The following STK3 variants were observed in gnomAD, a reference collection of about 807,000 sequenced individuals.
STK3 encodes serine/threonine-protein kinase 3.
A neutral mutation model predicts 58.0 loss-of-function variants in STK3; 41 were observed. The observed-to-expected ratio is 0.71, with a 90% CI of 0.55 to 0.92. The LOEUF (loss-of-function observed/expected upper bound fraction) is 0.92. STK3 is among the 40% of genes least tolerant of loss of function. The pLI is 0.00. For synonymous variants in STK3, 170 were observed against 191.0 expected (o/e 0.89, Z 0.91); for missense variants, 479 against 602.7 (o/e 0.79, Z 2.15).
chr8:98,347,753 C>T, the STK3 span, among the ~76,000 whole-genome samples: 1 of 152,052 alleles, frequency 6.6e-6, no homozygotes, highest in Admixed American at 6.5e-5. Flanking sequence ...CTATAGGAAA[C>T]ATACATTAAA....
intron 1 of STK3, among the ~76,000 whole-genome samples, chr8:98,799,847 T>C (rs1407728026): frequency 6.6e-6 from 1 of 152,192 alleles, no homozygotes; most frequent in Non-Finnish European, 1.5e-5. Flanking sequence ...AAATCTATCC[T>C]TACTCTACAA....
intron 3 of STK3, among the ~76,000 whole-genome samples, chr8:98,752,415 A>C (rs928614640): frequency 1.3e-5 from 2 of 152,204 alleles, no homozygotes; most frequent in African/African-American, 4.8e-5. Flanking sequence ...GAAGATTGAA[A>C]CTGGACCCCT....
At chr8:98,424,062 C>T (rs960514595) in intron 3 of STK3, among the ~76,000 whole-genome samples, 4 of 152,250 alleles carry the variant, frequency 2.6e-5, no homozygotes, top group African/African-American at 9.6e-5. Flanking sequence ...TAAACAAAGC[C>T]AGCTTCCCCG....
rs1220165131 is a variant in STK3 at position 98,652,894 on chromosome 8, C to T, written c.684+53573G>A. Among the ~76,000 whole-genome samples the T allele has an allele frequency of 2.0e-5, 3 of 152,214 alleles. No homozygotes were observed. In the East Asian group the frequency reaches 5.8e-4, roughly 29 times the overall value. On this transcript the variant is annotated intron_variant, in intron 6 of 10. Coordinates refer to ENST00000419617, the MANE Select transcript of STK3 (RefSeq NM_006281.4). Reference sequence around the variant, plus strand: ...ACACAATAATAATGGGAGACTTTAACACTCCACTGTCAACATTAGACAGAT... The same window carrying T: ...ACACAATAATAATGGGAGACTTTAATACTCCACTGTCAACATTAGACAGAT...
intron 8 of STK3, among the ~76,000 whole-genome samples, chr8:98,569,747 T>C (rs934998090): frequency 7.2e-5 from 11 of 151,966 alleles, no homozygotes; most frequent in South Asian, 2.1e-4. Context: ...TGTGATTACA[T>C]AGGAAAAATT....
At chr8:98,501,328 T>C (rs1477897730) in intron 10 of STK3, among the ~76,000 whole-genome samples, 1 of 152,150 alleles carries the variant, frequency 6.6e-6, no homozygotes, top group African/African-American at 2.4e-5. Flanking sequence ...GGGTAGATTG[T>C]AAAAATTTTC....
At chr8:98,751,585 A>T (rs1159095586) in intron 3 of STK3, among the ~76,000 whole-genome samples, 4 of 152,232 alleles carry the variant, frequency 2.6e-5, no homozygotes, top group Admixed American at 2.6e-4. Context: ...ACTACAAAAC[A>T]CTGCTCAAAG....
chr8:98,801,997 T>C (rs991589835), intron 1 of STK3, among the ~76,000 whole-genome samples: 2 of 152,112 alleles, frequency 1.3e-5, no homozygotes, highest in Admixed American at 1.3e-4. Flanking sequence ...TGTAGCAAGA[T>C]CCTGTCTCTA....
At chr8:98,824,808 C>T (rs768294091) in intron 1 of STK3, among the ~76,000 whole-genome samples, 4 of 152,156 alleles carry the variant, frequency 2.6e-5, no homozygotes, top group Non-Finnish European at 5.9e-5. Flanking sequence ...GATTACTATC[C>T]TTATTTTATA....
chr8:98,791,439 C>T (rs1292754932), intron 1 of STK3, among the ~76,000 whole-genome samples: 1 of 152,116 alleles, frequency 6.6e-6, no homozygotes, highest in Non-Finnish European at 1.5e-5. Flanking sequence ...CAAAATACCA[C>T]CATCATTCTT....
At chr8:98,886,738 T>C (rs1045008021) in intron 1 of STK3, among the ~76,000 whole-genome samples, 7 of 152,222 alleles carry the variant, frequency 4.6e-5, no homozygotes, top group African/African-American at 1.7e-4. Context: ...CCACAAATGC[T>C]TAAGTCCTTA....
chr8:98,825,122 C>T (rs1336944091), intron 1 of STK3, among the ~76,000 whole-genome samples: 1 of 152,244 alleles, frequency 6.6e-6, no homozygotes, highest in Non-Finnish European at 1.5e-5. Context: ...TTCCCACTGT[C>T]TTGCATCCAT....
rs569537843 is a variant in STK3 at position 98,907,137 on chromosome 8, G to A, written c.-78-23303C>T. Among the ~76,000 whole-genome samples, 200 of 152,168 alleles carry A rather than the reference G, an allele frequency of 1.3e-3. 1 individual carries two copies. The highest frequency in any genetic ancestry group is 3.3e-3 in the South Asian group (16 of 4,826). ...TGTGCCACTGCACTCCAGCCTGGGC[G>A]ACAGAGCAAGATTCTGTCTCAAAAG... On this transcript the variant is annotated intron_variant, in intron 1 of 1. Transcript: ENST00000519420.
chr8:98,751,993 C>T (rs1350149965), intron 3 of STK3, among the ~76,000 whole-genome samples: 2 of 151,634 alleles, frequency 1.3e-5, no homozygotes, highest in African/African-American at 4.8e-5. Flanking sequence ...CACACACAAA[C>T]ACACATCATT....
chr8:98,931,259 A>G (rs930843417), intron 1 of STK3, among the ~76,000 whole-genome samples: 13 of 152,210 alleles, frequency 8.5e-5, no homozygotes, highest in African/African-American at 3.1e-4. Flanking sequence ...TTAATCTGGC[A>G]GAATTTGGAA....
At chr8:98,548,924 T>C (rs1774480611) in intron 8 of STK3, among the ~76,000 whole-genome samples, 2 of 152,208 alleles carry the variant, frequency 1.3e-5, no homozygotes, top group Admixed American at 1.3e-4. Context: ...TTCATGCATA[T>C]TGTGGTAGAA....
At chr8:98,941,712 C>T (rs1256697449) in intron 1 of STK3, among the ~76,000 whole-genome samples, 2 of 152,202 alleles carry the variant, frequency 1.3e-5, no homozygotes, top group Non-Finnish European at 2.9e-5. Context: ...TCCTCCACCT[C>T]CTCCTCCGCG....
intron 10 of STK3, among the ~76,000 whole-genome samples, chr8:98,503,325 A>G (rs1823778684): frequency 6.6e-6 from 1 of 151,846 alleles, no homozygotes; most frequent in African/African-American, 2.4e-5. Context: ...CTAGCAGTCT[A>G]TTTTATTGAT....
intron 1 of STK3, among the ~76,000 whole-genome samples, chr8:98,789,258 G>T (rs957368405): frequency 6.6e-6 from 1 of 152,126 alleles, no homozygotes; most frequent in Non-Finnish European, 1.5e-5. Context: ...GATACAGCAA[G>T]GCAGTGCTTA....
Sources: gnomAD v4.1 joint callset for allele counts (sites outside exome capture counted in the v4.1 genomes callset) on GRCh38, gnomAD v4.1.1 for gene constraint, MANE v1.5 for transcripts, NCBI Gene and HGNC (gene_info 2026-07-23, HGNC 2026-07-21) for gene names.